FANCC: variants seen among roughly 807,000 people sequenced by gnomAD.
FANCC encodes the protein FA complementation group C, also known as Fanconi anemia group C protein.
A neutral mutation model predicts 71.3 loss-of-function variants in FANCC; 55 were observed. The observed-to-expected ratio is 0.77, with a 90% confidence interval of 0.62 to 0.97. FANCC has a LOEUF of 0.97. FANCC is among the 50% of genes least tolerant of loss of function. The pLI, the probability that FANCC is intolerant of heterozygous loss-of-function variation, is 0.00. For synonymous variants in FANCC, 275 were observed against 244.9 expected (o/e 1.12, Z -1.15); for missense variants, 678 against 670.9 (o/e 1.01, Z -0.12).
intron 1 of FANCC, among the ~76,000 whole-genome samples, chr9:95,285,349 GTTTTACACTTAACA>G (rs1013553525): frequency 5.3e-5 from 8 of 152,054 alleles, no homozygotes; most frequent in Admixed American, 4.6e-4. Context: ...ATTATATGGA[GTTTTACACTTAACA>G]TTAGTACAGC....
chr9:95,174,897 G>C (rs1175953500), intron 4 of FANCC, among the ~76,000 whole-genome samples: 4 of 151,924 alleles, frequency 2.6e-5, no homozygotes, highest in Admixed American at 6.6e-5. Flanking sequence ...TTATCACGGT[G>C]GTCATTTCAA....
intron 4 of FANCC, among the ~76,000 whole-genome samples, chr9:95,236,518 C>T (rs1830325485): frequency 6.6e-6 from 1 of 152,220 alleles, no homozygotes; most frequent in South Asian, 2.1e-4. Flanking sequence ...AACTCCAAAA[C>T]ATTTTATCAA....
chr9:95,284,213 A>G (rs551854778), intron 1 of FANCC, among the ~76,000 whole-genome samples: 1 of 152,346 alleles, frequency 6.6e-6, no homozygotes, highest in South Asian at 2.1e-4. Context: ...GAGAATAAGC[A>G]TTAATGTCCT....
intron 1 of FANCC, chr9:95,292,741 A>C: frequency 7.3e-7 from 1 of 1,370,326 alleles, no homozygotes; most frequent in Non-Finnish European, 1.0e-6. Flanking sequence ...TGTCCAATCG[A>C]AGGCTGCCCC....
intron 10 of FANCC, among the ~76,000 whole-genome samples, chr9:95,121,598 G>T (rs2072883733): frequency 6.6e-6 from 1 of 152,190 alleles, no homozygotes; most frequent in Non-Finnish European, 1.5e-5. Context: ...GTGCCTACCA[G>T]CAGGAGGATG....
At chr9:95,274,711 CT>C (rs764397585) in intron 1 of FANCC, among the ~76,000 whole-genome samples, 1 of 152,180 alleles carries the variant, frequency 6.6e-6, no homozygotes, top group Non-Finnish European at 1.5e-5. Flanking sequence ...AACCTTACTA[CT>C]TTGGGCTTGT....
intron 9 of FANCC, among the ~76,000 whole-genome samples, chr9:95,125,956 C>T (rs930207900): frequency 2.0e-5 from 3 of 152,238 alleles, no homozygotes; most frequent in Non-Finnish European, 4.4e-5. Context: ...CTCCCACTAA[C>T]TGCCAGCCAC....
chr9:95,117,605 A>AAAATAAT lies in FANCC; in HGVS notation c.997-216_997-215insATTATTT, dbSNP rs5899245. ...TTTTAAAGTCACCTTCTGGGACTTA[A>AAAATAAT]AAATTTATGCTCTTGATGTCTTTAT... On this transcript the variant is annotated intron_variant, in intron 10 of 14. Coordinates refer to ENST00000289081, the MANE Select transcript of FANCC (RefSeq NM_000136.3). Among the ~76,000 whole-genome samples, 142,465 of 151,916 alleles carry AAAATAAT rather than the reference A, an allele frequency of 0.94. 66,817 individuals carry two copies. Among genetic ancestry groups the AAAATAAT allele is most frequent in the Middle Eastern group, 0.98 (286 of 292 alleles).
At chr9:95,146,475 G>A (rs1331843500) in intron 7 of FANCC, among the ~76,000 whole-genome samples, 1 of 82,946 alleles carries the variant, frequency 1.2e-5, no homozygotes, top group African/African-American at 5.2e-5. Context: ...GTGACAGAGT[G>A]AGACCCCATC....
At chr9:95,292,598 G>A in intron 1 of FANCC, 2 of 1,466,270 alleles carry the variant, frequency 1.4e-6, no homozygotes, top group Non-Finnish European at 1.9e-6. Flanking sequence ...TGTGCACCGT[G>A]CGCGGCTGCC....
At chr9:95,199,889 T>G (rs1283185377) in intron 4 of FANCC, among the ~76,000 whole-genome samples, 1 of 152,206 alleles carries the variant, frequency 6.6e-6, no homozygotes, top group Non-Finnish European at 1.5e-5. Context: ...TAAAAAAAAT[T>G]TCCCCAGCTT....
intron 4 of FANCC, among the ~76,000 whole-genome samples, chr9:95,219,674 T>C (rs1012123019): frequency 5.3e-5 from 8 of 152,210 alleles, no homozygotes; most frequent in African/African-American, 1.9e-4. Context: ...TGTAGAAAGC[T>C]GAAACTGGAT....
At chr9:95,246,611 T>C (rs1830995763) in intron 3 of FANCC, among the ~76,000 whole-genome samples, 1 of 152,198 alleles carries the variant, frequency 6.6e-6, no homozygotes, top group Admixed American at 6.5e-5. Flanking sequence ...ATGGTTCCTG[T>C]TCTCGAGAGG....
intron 4 of FANCC, among the ~76,000 whole-genome samples, chr9:95,223,360 T>C (rs1247115584): frequency 6.6e-6 from 1 of 152,194 alleles, no homozygotes; most frequent in Admixed American, 6.5e-5. Flanking sequence ...AGCTGAGCTC[T>C]TTCTTCATCT....
intron 1 of FANCC, among the ~76,000 whole-genome samples, chr9:95,260,684 T>TA (rs542398381): frequency 0.42 from 54,913 of 129,928 alleles, 10,224 homozygotes; most frequent in East Asian, 0.56. Context: ...GAACTTAAAA[T>TA]ATAAAAAAAA....
At chr9:95,243,635 A>G (rs1226290541) in intron 3 of FANCC, among the ~76,000 whole-genome samples, 2 of 151,914 alleles carry the variant, frequency 1.3e-5, no homozygotes, top group Non-Finnish European at 2.9e-5. Context: ...ATACAAAAAA[A>G]AAAAACAGAT....
chr9:95,196,302 T>A (rs572279921), intron 4 of FANCC, among the ~76,000 whole-genome samples: 35 of 152,314 alleles, frequency 2.3e-4, no homozygotes, highest in Admixed American at 3.9e-4. Context: ...ATTTTTTTTT[T>A]AAATCATGAA....
intron 13 of FANCC, chr9:95,110,207 A>G (rs1417734133): frequency 6.1e-6 from 6 of 981,418 alleles, no homozygotes; most frequent in Non-Finnish European, 6.1e-6. Flanking sequence ...AGATGTGCCA[A>G]TGTAGAACTT....
chr9:95,247,293 G>C (rs1831045927), intron 3 of FANCC, 139 bp downstream of exon 3: 4 of 689,336 alleles, frequency 5.8e-6, no homozygotes, highest in Non-Finnish European at 1.0e-5. Flanking sequence ...AGCCATCTTT[G>C]TAATAGAACA....
Sources: allele counts gnomAD v4.1 joint callset (sites outside exome capture counted in the v4.1 genomes callset), GRCh38; gene constraint gnomAD v4.1.1; transcripts MANE v1.5; gene names NCBI Gene and HGNC (gene_info 2026-07-23, HGNC 2026-07-21).